Variants in SWT1 observed in about 807,000 individuals in gnomAD.
SWT1 encodes the protein transcriptional protein SWT1.
In SWT1, 33 loss-of-function variants were observed where a neutral mutation model predicts 107.3. The ratio of observed to expected loss-of-function variants is 0.31; its 90% CI spans 0.23 to 0.41. The LOEUF (loss-of-function observed/expected upper bound fraction) is 0.41. Among genes scored for constraint, SWT1 ranks in the 10% least tolerant of loss-of-function variants. The pLI is 1.00. For synonymous variants in SWT1, 345 were observed against 348.3 expected, an observed-to-expected ratio of 0.99 and a Z score of 0.11; for missense variants, 898 against 1,028.9, an observed-to-expected ratio of 0.87 and a Z score of 1.74.
At chr1:185,170,879 A>G (rs1000558359) in intron 4 of SWT1, among the ~76,000 whole-genome samples, 2 of 152,176 alleles carry the variant, frequency 1.3e-5, no homozygotes, top group Admixed American at 6.5e-5. Context: ...AAGGGCCCAG[A>G]AACCTGCATT....
At chr1:185,190,521 C>T (rs752201020) in intron 9 of SWT1, 28 bp from the exon 10 acceptor site, 3 of 1,311,548 alleles carry the variant, frequency 2.3e-6, no homozygotes, top group South Asian at 2.4e-5. Flanking sequence ...AGTGTACTTA[C>T]TGACTGTTGC....
chr1:185,236,758 A>G (rs1484326985), intron 16 of SWT1, among the ~76,000 whole-genome samples: 2 of 152,228 alleles, frequency 1.3e-5, no homozygotes, highest in Non-Finnish European at 2.9e-5. Flanking sequence ...AAAAGAAACT[A>G]TCATCAGAGT....
At chr1:185,274,145 G>A (rs1664075760) in intron 17 of SWT1, among the ~76,000 whole-genome samples, 1 of 151,378 alleles carries the variant, frequency 6.6e-6, no homozygotes. Flanking sequence ...AAGAATATGT[G>A]GATCTGTTGC....
chr1:185,214,752 A>G (rs1248239566), intron 14 of SWT1, 97 bp downstream of exon 14: 2 of 982,048 alleles, frequency 2.0e-6, no homozygotes, highest in African/African-American at 1.7e-5. Context: ...ATTTAATTCT[A>G]ACTTATTCTA....
chr1:185,218,970 T>C (rs758453242), intron 14 of SWT1, among the ~76,000 whole-genome samples: 19 of 152,216 alleles, frequency 1.2e-4, no homozygotes, highest in Admixed American at 5.2e-4. Flanking sequence ...TCCACTTGCG[T>C]AGTATATACA....
intron 9 of SWT1, 80 bp from the exon 10 acceptor site, chr1:185,190,469 T>C: frequency 2.5e-6 from 2 of 810,010 alleles, no homozygotes. Flanking sequence ...ATTTTTGTTT[T>C]GTAAATACAG....
At chr1:185,216,786 T>C (rs1256670957) in intron 14 of SWT1, among the ~76,000 whole-genome samples, 1 of 151,962 alleles carries the variant, frequency 6.6e-6, no homozygotes, top group Non-Finnish European at 1.5e-5. Context: ...ACCCTGTCTC[T>C]ACTAAAAATA....
intron 16 of SWT1, among the ~76,000 whole-genome samples, chr1:185,264,741 T>C (rs149219219): frequency 8.5e-5 from 13 of 152,336 alleles, no homozygotes; most frequent in African/African-American, 2.6e-4. Context: ...TATATTATTA[T>C]GTTTCAATGC....
intron 2 of SWT1, among the ~76,000 whole-genome samples, chr1:185,162,002 T>C (rs908860032): frequency 6.6e-6 from 1 of 152,216 alleles, no homozygotes; most frequent in Non-Finnish European, 1.5e-5. Flanking sequence ...AAGTTCCAGA[T>C]AGTGTGCTTT....
chr1:185,177,194 T>C (rs1571422709), intron 5 of SWT1, among the ~76,000 whole-genome samples: 2 of 152,216 alleles, frequency 1.3e-5, no homozygotes, highest in Non-Finnish European at 2.9e-5. Flanking sequence ...GTTTTTCTTC[T>C]TGTGTTATAA....
chr1:185,252,149 T>C (rs1450909871), intron 16 of SWT1, among the ~76,000 whole-genome samples: 1 of 152,242 alleles, frequency 6.6e-6, no homozygotes, highest in Non-Finnish European at 1.5e-5. Context: ...CCATGGTGTA[T>C]ATGTGCCACA....
chr1:185,285,042 G>A (rs1056694620), intron 18 of SWT1, among the ~76,000 whole-genome samples: 3 of 152,062 alleles, frequency 2.0e-5, no homozygotes, highest in African/African-American at 7.2e-5. Context: ...GGGGGAGTTG[G>A]CTGAGGCACT....
Position 185,174,591 on chromosome 1 carries a change from T to A in SWT1, c.444T>A (p.Ile148=). The change falls in exon 5 of 19, where the codon ATT becomes ATA. Residue 148 remains isoleucine (I), a synonymous_variant. Coordinates refer to ENST00000367500, the MANE Select transcript of SWT1 (RefSeq NM_017673.7). ...CTGGGAGCAAGCTTGACCATGGAATTAAAAGCCTTAGTAGTCCTAAGATTG... is the reference window on the plus strand; with the variant it reads ...CTGGGAGCAAGCTTGACCATGGAATAAAAAGCCTTAGTAGTCCTAAGATTG... ...TNAGSKLDHG[I]KSLSSPKIAS... 6.2e-7 allele frequency: 1 copy of A among 1,607,544 alleles called. No homozygotes were observed. The highest frequency in any genetic ancestry group is 8.5e-7 in the Non-Finnish European group (1 of 1,178,438).
intron 4 of SWT1, among the ~76,000 whole-genome samples, chr1:185,172,167 T>G (rs1476207272): frequency 6.6e-6 from 1 of 152,208 alleles, no homozygotes; most frequent in Non-Finnish European, 1.5e-5. Context: ...AATTAATAGA[T>G]TGTGTTTGAC....
intron 10 of SWT1, among the ~76,000 whole-genome samples, chr1:185,201,271 C>T (rs530809196): frequency 1.2e-4 from 19 of 152,122 alleles, no homozygotes; most frequent in Admixed American, 5.9e-4. Flanking sequence ...GGTTCTGTCT[C>T]GCTGGTGTTC....
At chr1:185,227,688 T>G in intron 15 of SWT1, 1 of 604,326 alleles carries the variant, frequency 1.7e-6, no homozygotes, top group Non-Finnish European at 2.9e-6. Context: ...TTAACAACTT[T>G]AACAAACCCC....
intron 9 of SWT1, among the ~76,000 whole-genome samples, chr1:185,185,280 G>A (rs1471443018): frequency 1.3e-5 from 2 of 152,150 alleles, no homozygotes; most frequent in African/African-American, 2.4e-5. Context: ...ATCACCATAT[G>A]CAGTTAATGT....
intron 12 of SWT1, among the ~76,000 whole-genome samples, chr1:185,205,268 G>A (rs1385903210): frequency 6.6e-6 from 1 of 152,174 alleles, no homozygotes. Context: ...CAGAGTATAA[G>A]TTGATTGTAT....
rs1655394653 is a variant in SWT1, at chr1:185,174,790, T to G, written c.643T>G (p.Tyr215Asp). ...KWKRNQFSQDYNSNKIIKEPL... is the reference protein window; with the variant it reads ...KWKRNQFSQDDNSNKIIKEPL... ...GAAGAGAAATCAATTTTCTCAGGAT[T>G]ATAACTCCAACAAGATAATTAAGGA... Residue 215 changes from tyrosine to aspartate, a missense_variant, in exon 5 of 19, where the codon TAT becomes GAT. Around this residue, in one of 6 missense-constraint regions of SWT1, gnomAD observed 382 missense variants for 362.4 expected, o/e 1.05. Transcript: ENST00000367500. The G allele has an allele frequency of 6.2e-7, 1 of 1,612,028 alleles. No homozygotes were observed. Among genetic ancestry groups the G allele is most frequent in the Non-Finnish European group, 8.5e-7 (1 of 1,179,590 alleles).
Sources: allele counts gnomAD v4.1 joint callset (sites outside exome capture counted in the v4.1 genomes callset), GRCh38; gene constraint gnomAD v4.1.1; regional missense constraint gnomAD v4.1.1; transcripts MANE v1.5; gene names NCBI Gene and HGNC (gene_info 2026-07-23, HGNC 2026-07-21).